STARD9: variants seen among roughly 807,000 people sequenced by gnomAD.
The protein encoded by STARD9 is stAR-related lipid transfer protein 9.
A neutral mutation model predicts 399.8 loss-of-function variants in STARD9; 346 were observed. The observed-to-expected ratio is 0.87, with a 90% CI of 0.79 to 0.95. STARD9 has a LOEUF of 0.95. Ranked by LOEUF, STARD9 falls within the 40% of genes least tolerant of loss-of-function variation. The probability of loss-of-function intolerance (pLI) is 0.00; values close to 1 mark genes in which losing one functional copy is unlikely to be tolerated. For missense variants in STARD9, 5,832 were observed against 5,667.5 expected (o/e 1.03, Z -0.93); for synonymous variants, 2,203 against 2,143.5 (o/e 1.03, Z -0.77).
Position 42,575,672 on chromosome 15 carries a change from G to A in STARD9, c.-44G>A, listed in dbSNP as rs1266335892. On this transcript the variant is annotated 5_prime_UTR_variant, in exon 1 of 33. It removes an upstream start codon present in the reference 5' UTR. Transcript: ENST00000290607. ...TGGGCTTAGGGCGGGGGCCTGGGAT[G>A]CTGCCGCTGAGCTGACCCGCTGGAC... 2 of 1,534,208 alleles carry A rather than the reference G, an allele frequency of 1.3e-6. No individual in the cohort carries two copies. The highest frequency in any genetic ancestry group is 1.7e-6 in the Non-Finnish European group (2 of 1,145,524).
At chr15:42,632,906 G>A (rs1312255247) in intron 3 of STARD9, among the ~76,000 whole-genome samples, 2 of 152,110 alleles carry the variant, frequency 1.3e-5, no homozygotes, top group Non-Finnish European at 2.9e-5. Flanking sequence ...ACTTTGGGAG[G>A]CTGAAGTACG....
chr15:42,691,614 TC>T lies in STARD9; in HGVS notation c.10040del (p.Pro3347LeufsTer54). 2.0e-6 allele frequency: 3 copies of T among 1,537,140 alleles called. No individual in the cohort carries two copies. Among genetic ancestry groups the T allele is most frequent in the East Asian group, 2.4e-5 (1 of 40,914 alleles). On this transcript the variant is annotated frameshift_variant, in exon 23 of 33. Coordinates refer to ENST00000290607, the MANE Select transcript of STARD9 (RefSeq NM_020759.3). LOFTEE classifies it high-confidence loss of function. ...GCTGAACTTGAGTGTGGAGCCTCCT[TC>T]CCCTACAGACGAAGATACACAGGGG... is the stretch of plus-strand genomic sequence containing the variant. Reference protein sequence around the residue: ...QELNLSVEPPSPTDEDTQGPN... With the variant: ...QELNLSVEPPXPTDEDTQGPN...
intron 15 of STARD9, 23 bp downstream of exon 15, chr15:42,665,871 G>T: frequency 6.5e-7 from 1 of 1,535,154 alleles, no homozygotes. Flanking sequence ...GGTGGACTCA[G>T]TTGTTCTTTA....
intron 3 of STARD9, among the ~76,000 whole-genome samples, chr15:42,586,030 G>A (rs2058271075): frequency 6.6e-6 from 1 of 152,194 alleles, no homozygotes. Context: ...AAATGGTAGT[G>A]AGAGGTATCA....
At chr15:42,632,863 C>A (rs1372218631) in intron 3 of STARD9, among the ~76,000 whole-genome samples, 1 of 151,958 alleles carries the variant, frequency 6.6e-6, no homozygotes, top group Non-Finnish European at 1.5e-5. Context: ...AAATAAAGAG[C>A]CAGACACAGT....
chr15:42,678,184 G>A (rs769599851), intron 20 of STARD9, among the ~76,000 whole-genome samples: 1 of 152,194 alleles, frequency 6.6e-6, no homozygotes, highest in South Asian at 2.1e-4. Context: ...TTGGGCAAAG[G>A]GACCAGGGAG....
rs954841487 is a variant in STARD9 at position 42,681,543 on chromosome 15, G to A, written c.1996G>A (p.Ala666Thr). The change falls in exon 21 of 33, where the codon GCA becomes ACA. Residue 666 changes from alanine to threonine, a missense_variant. Coordinates refer to ENST00000290607, the MANE Select transcript of STARD9 (RefSeq NM_020759.3). ...AGAGGATTTGAGGCATCAAATCCTA[G>A]CAGAAGAGATTCGAGCTGCGAAGGA... The part of the protein sequence containing the change: ...YVEDLRHQIL[A>T]EEIRAAKELE... 12 of 1,537,066 alleles carry A rather than the reference G, an allele frequency of 7.8e-6. No individual in the cohort carries two copies. In the African/African-American group the frequency reaches 1.2e-4, roughly 16 times the overall value.
intron 26 of STARD9, among the ~76,000 whole-genome samples, chr15:42,711,752 C>G (rs567894253): frequency 9.4e-4 from 143 of 151,854 alleles, no homozygotes; most frequent in African/African-American, 3.4e-3. Flanking sequence ...TTGTTTTGTG[C>G]TTTTTGCCTA....
chr15:42,590,532 G>A (rs894797319), intron 3 of STARD9, among the ~76,000 whole-genome samples: 1 of 152,158 alleles, frequency 6.6e-6, no homozygotes, highest in Non-Finnish European at 1.5e-5. Context: ...GCCATTCAGA[G>A]GTAGATGTTG....
intron 3 of STARD9, among the ~76,000 whole-genome samples, chr15:42,592,230 A>T (rs1290005369): frequency 6.6e-6 from 1 of 152,194 alleles, no homozygotes; most frequent in Non-Finnish European, 1.5e-5. Flanking sequence ...CTAGATTTGA[A>T]CACAGGATCA....
At chr15:42,657,557 G>A (rs1344069772) in intron 9 of STARD9, among the ~76,000 whole-genome samples, 1 of 152,140 alleles carries the variant, frequency 6.6e-6, no homozygotes, top group Non-Finnish European at 1.5e-5. Context: ...GGATATTTCA[G>A]TACCTAATTT....
At chr15:42,717,134 G>T in intron 28 of STARD9, 86 bp downstream of exon 28, 1 of 1,440,084 alleles carries the variant, frequency 6.9e-7, no homozygotes, top group South Asian at 1.3e-5. Flanking sequence ...GAAAAAAGCT[G>T]GGCAGATGAG....
In STARD9 at chr15:42,685,272, A is replaced by C. The variant is rs1445048353; in HGVS notation, c.3694A>C (p.Thr1232Pro). Residue 1232 changes from threonine to proline, a missense_variant, in exon 23 of 33, where the codon ACA becomes CCA. Physicochemically the swap from Thr to Pro is conservative, Grantham distance 38. Around this residue, in one of 2 missense-constraint regions of STARD9, gnomAD observed 5,828 missense variants for 5,651.1 expected, o/e 1.03. Coordinates refer to ENST00000290607, the MANE Select transcript of STARD9 (RefSeq NM_020759.3). ...CCCTGGTTCAGCTGACGAGATACCCACAGAGACTTTTTGGCACCTGGAGGA... is the reference window on the plus strand; with the variant it reads ...CCCTGGTTCAGCTGACGAGATACCCCCAGAGACTTTTTGGCACCTGGAGGA... ...PFPGSADEIP[T>P]ETFWHLEDSS... The C allele has an allele frequency of 1.3e-6, 2 of 1,537,474 alleles. No homozygotes were observed. The highest frequency in any genetic ancestry group is 1.7e-6 in the Non-Finnish European group (2 of 1,146,998).
At chr15:42,587,353 G>A (rs1314348119) in intron 3 of STARD9, among the ~76,000 whole-genome samples, 1 of 152,082 alleles carries the variant, frequency 6.6e-6, no homozygotes, top group African/African-American at 2.4e-5. Flanking sequence ...ACAGAAATAA[G>A]ACCGTAGACC....
intron 9 of STARD9, among the ~76,000 whole-genome samples, chr15:42,655,271 G>C (rs1013688300): frequency 1.3e-5 from 2 of 152,206 alleles, no homozygotes; most frequent in Non-Finnish European, 2.9e-5. Context: ...AACAGAGTGA[G>C]ACTTCGTCTC....
rs1242679384 is a variant in STARD9, at chr15:42,718,179, G to A, written c.13762G>A (p.Val4588Met). The A allele has an allele frequency of 6.5e-7, 1 of 1,536,402 alleles. No individual in the cohort carries two copies. Among genetic ancestry groups the A allele is most frequent in the South Asian group, 1.2e-5 (1 of 84,040 alleles). ...HQRVTNSISL[V>M]YLVCNTTLCA... ...GCGAGTGACCAACAGCATCAGCCTG[G>A]GTGAGCCCAGGGAAGGAAGGCTTCC... The change falls in exon 30 of 33, where the codon GTG becomes ATG. Residue 4588 changes from valine to methionine, a missense_variant and splice_region_variant. By Grantham distance (21) the Val-to-Met change is conservative. Transcript: ENST00000290607.
chr15:42,615,584 A>G (rs1290139978), intron 3 of STARD9, among the ~76,000 whole-genome samples: 2 of 151,834 alleles, frequency 1.3e-5, no homozygotes, highest in Non-Finnish European at 2.9e-5. Context: ...CCCATATTAT[A>G]TATATATAAA....
rs1338631221 is a variant in STARD9 at position 42,684,636 on chromosome 15, G to T, written c.3058G>T (p.Gly1020Trp). 3 of 1,537,122 alleles carry T rather than the reference G, an allele frequency of 2.0e-6. No individual in the cohort carries two copies. The highest frequency in any genetic ancestry group is 2.6e-6 in the Non-Finnish European group (3 of 1,146,886). ...TCCTCATGGACCCAGGCAGACTGCTGGGCACGGAAAGGCAGTCAAGACTTT... is the reference window on the plus strand; with the variant it reads ...TCCTCATGGACCCAGGCAGACTGCTTGGCACGGAAAGGCAGTCAAGACTTT... ...LYPHGPRQTAGHGKAVKTFWT... is the reference protein window; with the variant it reads ...LYPHGPRQTAWHGKAVKTFWT... The change falls in exon 23 of 33, where the codon GGG becomes TGG. Residue 1020 changes from glycine to tryptophan, a missense_variant. Around this residue, in one of 2 missense-constraint regions of STARD9, gnomAD observed 5,828 missense variants for 5,651.1 expected, o/e 1.03. Transcript: ENST00000290607.
At position 42,687,580 on chromosome 15, in the gene STARD9, C is replaced by T. The variant is rs999471113; in HGVS notation, c.6002C>T (p.Pro2001Leu). 7.2e-6 allele frequency: 11 copies of T among 1,536,918 alleles called. No individual in the cohort carries two copies. Among genetic ancestry groups the T allele is most frequent in the African/African-American group, 6.8e-5 (5 of 73,024 alleles). Residue 2001 changes from proline to leucine, a missense_variant, in exon 23 of 33, where the codon CCT (proline) becomes CTT (leucine). Pro to Leu is a moderately conservative substitution (Grantham distance 98). Around this residue, in one of 2 missense-constraint regions of STARD9, gnomAD observed 5,828 missense variants for 5,651.1 expected, o/e 1.03. Transcript: ENST00000290607. ...GAGTTTAAGCTTCCAGGTACAAAGC[C>T]TGCATATGAAAGGTTCCAGTTAGTT... The part of the protein sequence containing the change: ...SEEFKLPGTK[P>L]AYERFQLVAC...
Sources: gnomAD v4.1 joint callset for allele counts (sites outside exome capture counted in the v4.1 genomes callset) on GRCh38, gnomAD v4.1.1 for gene constraint, gnomAD v4.1.1 regional missense constraint, MANE v1.5 for transcripts, NCBI Gene and HGNC (gene_info 2026-07-23, HGNC 2026-07-21) for gene names.